Variants in ZFPM2 observed in about 807,000 individuals in gnomAD.
ZFPM2 encodes the protein zinc finger protein ZFPM2.
ZFPM2 carries 20 observed loss-of-function variants against 98.6 expected under a neutral mutation model. The ratio of observed to expected loss-of-function variants is 0.20; its 90% CI spans 0.14 to 0.29. The LOEUF (loss-of-function observed/expected upper bound fraction) is 0.29, where lower values mean the gene tolerates loss of function less well. Ranked by LOEUF, ZFPM2 falls within the 10% of genes least tolerant of loss-of-function variation. ZFPM2 has a pLI of 1.00. For synonymous variants in ZFPM2, 518 were observed against 502.7 expected (o/e 1.03, Z -0.41); for missense variants, 1,310 against 1,388.6 (o/e 0.94, Z 0.90).
chr8:105,386,832 C>T (rs1221252677), intron 1 of ZFPM2, among the ~76,000 whole-genome samples: 1 of 151,914 alleles, frequency 6.6e-6, no homozygotes, highest in East Asian at 1.9e-4. Flanking sequence ...TGAGCTAGAA[C>T]AAGGGGAAGG....
In ZFPM2 at chr8:105,791,314, TG is replaced by T. The variant is rs1436530674; in HGVS notation, c.739+2391del. Among the ~76,000 whole-genome samples the T allele has an allele frequency of 2.0e-5, 3 of 152,230 alleles. No homozygotes were observed. In the East Asian group the frequency reaches 5.8e-4, roughly 29 times the overall value. The stretch of plus-strand genomic sequence containing the variant: ...TTTTAGCATGAAGGTTGTTGAATTT[TG>T]TCAAAGGCCTTTTCTGCATCTATTG... On this transcript the variant is annotated intron_variant, in intron 6 of 7. Transcript: ENST00000407775.
At chr8:105,678,300 T>G (rs536843860) in intron 5 of ZFPM2, among the ~76,000 whole-genome samples, 2 of 152,220 alleles carry the variant, frequency 1.3e-5, no homozygotes, top group Admixed American at 6.5e-5. Flanking sequence ...GCTAGTCACA[T>G]GCAATAGCAC....
chr8:105,718,955 G>A (rs761190714), intron 5 of ZFPM2, among the ~76,000 whole-genome samples: 9 of 151,906 alleles, frequency 5.9e-5, no homozygotes, highest in Non-Finnish European at 1.2e-4. Flanking sequence ...TTATTAAATG[G>A]CAGATTTAAG....
Position 105,687,259 on chromosome 8 carries a change from C to CTGT in ZFPM2, c.532+52911_532+52913dup, listed in dbSNP as rs1199787262. Among the ~76,000 whole-genome samples, 156 of 152,254 alleles carry CTGT rather than the reference C, an allele frequency of 1.0e-3. 1 individual carries two copies. Among genetic ancestry groups the CTGT allele is most frequent in the African/African-American group, 3.6e-3 (151 of 41,550 alleles). On this transcript the variant is annotated intron_variant, in intron 5 of 7. Transcript: ENST00000407775. The stretch of plus-strand genomic sequence containing the variant: ...CTCCCCAATGCATAAGAAATATATG[C>CTGT]TGTTGTTGTTGAGTCATTATACATA...
At chr8:105,438,769 C>G (rs552234761) in intron 2 of ZFPM2, among the ~76,000 whole-genome samples, 1 of 152,140 alleles carries the variant, frequency 6.6e-6, no homozygotes, top group East Asian at 1.9e-4. Context: ...TCATATCAGT[C>G]CCCCCACTGA....
rs562349939 is a variant in ZFPM2 at position 105,510,094 on chromosome 8, A to G, written c.302-51269A>G. 1.1e-4 allele frequency among the ~76,000 whole-genome samples: 16 copies of G among 152,196 alleles called. 1 individual carries two copies. The highest frequency in any genetic ancestry group is 1.0e-3 in the Admixed American group (16 of 15,284). ...ATGGAGATTAACCAGTCCTAGTTCAACTGTAGTTTTCCCCAACATTTAATA... is the reference window on the plus strand; with the variant it reads ...ATGGAGATTAACCAGTCCTAGTTCAGCTGTAGTTTTCCCCAACATTTAATA... On this transcript the variant is annotated intron_variant, in intron 3 of 7. Coordinates refer to ENST00000407775, the MANE Select transcript of ZFPM2 (RefSeq NM_012082.4).
At chr8:105,566,889 C>T (rs1326579093) in intron 4 of ZFPM2, among the ~76,000 whole-genome samples, 10 of 152,006 alleles carry the variant, frequency 6.6e-5, no homozygotes, top group African/African-American at 2.2e-4. Flanking sequence ...TATTTTCCCA[C>T]AGGGTATTTG....
At chr8:105,417,353 A>G (rs1448039831) in intron 1 of ZFPM2, among the ~76,000 whole-genome samples, 1 of 152,106 alleles carries the variant, frequency 6.6e-6, no homozygotes, top group Non-Finnish European at 1.5e-5. Flanking sequence ...TATACATACC[A>G]CAGTACATCC....
intron 4 of ZFPM2, among the ~76,000 whole-genome samples, chr8:105,626,336 T>C (rs750401372): frequency 3.3e-5 from 5 of 152,168 alleles, no homozygotes; most frequent in Non-Finnish European, 7.4e-5. Flanking sequence ...AATTTTCAAA[T>C]TCAATTCACT....
intron 3 of ZFPM2, among the ~76,000 whole-genome samples, chr8:105,525,544 C>T (rs976821272): frequency 6.6e-6 from 1 of 152,128 alleles, no homozygotes; most frequent in African/African-American, 2.4e-5. Context: ...AAAAACCAGA[C>T]TGGTGACTTG....
intron 3 of ZFPM2, among the ~76,000 whole-genome samples, chr8:105,548,828 A>G (rs753967859): frequency 9.2e-5 from 14 of 152,270 alleles, no homozygotes; most frequent in Admixed American, 5.9e-4. Context: ...CATTAGAGTA[A>G]GTCACATAAG....
chr8:105,517,869 G>A (rs1813970724), intron 3 of ZFPM2, among the ~76,000 whole-genome samples: 1 of 152,092 alleles, frequency 6.6e-6, no homozygotes, highest in African/African-American at 2.4e-5. Context: ...CCATGTTCAT[G>A]CCACTGCATT....
intron 3 of ZFPM2, among the ~76,000 whole-genome samples, chr8:105,525,491 G>C (rs554614656): frequency 5.8e-4 from 88 of 152,244 alleles, no homozygotes; most frequent in Non-Finnish European, 1.1e-3. Context: ...ACAGTGATTT[G>C]ACAGAAGAGA....
At chr8:105,329,776 T>A (rs1812178327) in intron 1 of ZFPM2, among the ~76,000 whole-genome samples, 1 of 151,660 alleles carries the variant, frequency 6.6e-6, no homozygotes, top group African/African-American at 2.4e-5. Context: ...GGGGAAACCT[T>A]GGTTGGCACA....
chr8:105,487,095 C>T (rs144093542), intron 3 of ZFPM2, among the ~76,000 whole-genome samples: 2 of 152,020 alleles, frequency 1.3e-5, no homozygotes, highest in African/African-American at 4.8e-5. Context: ...TTTTTAAAAG[C>T]TTATATGTAG....
At chr8:105,685,631 G>A (rs774893027) in intron 5 of ZFPM2, 2 of 151,678 alleles carry the variant, frequency 1.3e-5, no homozygotes, top group South Asian at 2.1e-4. Context: ...TCAGTCTTTC[G>A]GCAGCTTCTC....
chr8:105,722,332 T>G (rs1216533881), intron 5 of ZFPM2, among the ~76,000 whole-genome samples: 3 of 151,912 alleles, frequency 2.0e-5, no homozygotes. Flanking sequence ...TTTGTTTCTA[T>G]TGTCAATTTA....
chr8:105,787,213 G>A (rs1813439004), intron 5 of ZFPM2: 1 of 152,160 alleles, frequency 6.6e-6, no homozygotes, highest in Non-Finnish European at 1.5e-5. Context: ...ACATGATATG[G>A]TTTAGCTTCT....
At chr8:105,800,878 TATC>T (rs1432585289) in intron 7 of ZFPM2, among the ~76,000 whole-genome samples, 166 bp from the exon 8 acceptor site, 2 of 152,200 alleles carry the variant, frequency 1.3e-5, no homozygotes, top group Non-Finnish European at 2.9e-5. Flanking sequence ...CTATTAATAT[TATC>T]ATACACAGTA....
Sources: allele counts gnomAD v4.1 joint callset (sites outside exome capture counted in the v4.1 genomes callset), GRCh38; gene constraint gnomAD v4.1.1; transcripts MANE v1.5; gene names NCBI Gene and HGNC (gene_info 2026-07-23, HGNC 2026-07-21).